Variants in PCDHGA10 observed in about 807,000 individuals in gnomAD.
The protein encoded by PCDHGA10 is protocadherin gamma subfamily A, 10.
In PCDHGA10, 42 loss-of-function variants were observed where a neutral mutation model predicts 59.5. The observed-to-expected ratio is 0.71, with a 90% CI of 0.55 to 0.91. The LOEUF (loss-of-function observed/expected upper bound fraction) is 0.91. Ranked by LOEUF, PCDHGA10 falls within the 40% of genes least tolerant of loss-of-function variation. The pLI is 0.00. For missense variants in PCDHGA10, 1,111 were observed against 1,198.2 expected (o/e 0.93, Z 1.07); for synonymous variants, 511 against 517.2 (o/e 0.99, Z 0.16).
At chr5:141,428,081 C>G (rs768842388) in intron 1 of PCDHGA10, 3 of 1,609,218 alleles carry the variant, frequency 1.9e-6, no homozygotes, top group South Asian at 2.2e-5. Context: ...CGGGACACAA[C>G]GCTTGGCTGT....
chr5:141,419,522 C>A, intron 1 of PCDHGA10: 4 of 1,612,178 alleles, frequency 2.5e-6, no homozygotes, highest in Non-Finnish European at 3.4e-6. Context: ...GGTGGGCGAC[C>A]GTAACGACAA....
chr5:141,430,773 G>A (rs375524585), intron 1 of PCDHGA10: 2 of 1,507,932 alleles, frequency 1.3e-6, no homozygotes, highest in Non-Finnish European at 1.8e-6. Flanking sequence ...ATTCCTGCGC[G>A]ACTGCACCGG....
chr5:141,450,645 C>T (rs2098688869), intron 1 of PCDHGA10, among the ~76,000 whole-genome samples: 2 of 151,618 alleles, frequency 1.3e-5, no homozygotes, highest in Non-Finnish European at 2.9e-5. Context: ...TGCCACCATG[C>T]CTGGCTAATT....
chr5:141,427,434 A>G (rs2097026509), intron 1 of PCDHGA10: 1 of 473,650 alleles, frequency 2.1e-6, no homozygotes, highest in African/African-American at 2.0e-5. Context: ...TACATGCCTC[A>G]TAAACGAAAG....
In PCDHGA10 at chr5:141,490,537, T is replaced by C; in HGVS notation, c.2437-4270T>C. On this transcript the variant is annotated intron_variant, in intron 1 of 3. Transcript: ENST00000398610. This position sits in a 1 kb window ranked among gnomAD's most constrained non-coding sequence, Gnocchi z 5.4. ...GCTGGCCAGCGATGCTGGTTCACCT[T>C]CCCTACACAAACATCTCACCATCAG... is the stretch of plus-strand genomic sequence containing the variant. 1.9e-6 allele frequency: 3 copies of C among 1,614,180 alleles called. No homozygotes were observed. The highest frequency in any genetic ancestry group is 8.5e-7 in the Non-Finnish European group (1 of 1,180,028).
At chr5:141,453,700 G>A (rs953445370) in intron 1 of PCDHGA10, among the ~76,000 whole-genome samples, 1 of 152,166 alleles carries the variant, frequency 6.6e-6, no homozygotes, top group Non-Finnish European at 1.5e-5. Flanking sequence ...TCCTGGCTTT[G>A]AACAGTTTCA....
chr5:141,476,801 C>A lies in PCDHGA10; in HGVS notation c.2437-18006C>A, dbSNP rs752954707. The A allele has an allele frequency of 5.8e-5, 94 of 1,613,468 alleles. No homozygotes were observed. The highest frequency in any genetic ancestry group is 7.9e-5 in the Non-Finnish European group (93 of 1,180,028). The stretch of plus-strand genomic sequence containing the variant: ...GACCCCAGCTCTCTCCGCCAGCCTG[C>A]CTATTCACATCAAGGTGCTGGACGC... On this transcript the variant is annotated intron_variant, in intron 1 of 3. Transcript: ENST00000398610. This position sits in a 1 kb window ranked among gnomAD's most constrained non-coding sequence, Gnocchi z 7.6.
chr5:141,469,103 C>A (rs949254605), intron 1 of PCDHGA10, among the ~76,000 whole-genome samples: 2 of 151,844 alleles, frequency 1.3e-5, no homozygotes, highest in African/African-American at 2.4e-5. Context: ...AAAGCAAGAA[C>A]CTGTCTCTAA....
intron 1 of PCDHGA10, among the ~76,000 whole-genome samples, chr5:141,461,001 A>C (rs1309762345): frequency 6.7e-6 from 1 of 150,320 alleles, no homozygotes; most frequent in Admixed American, 6.7e-5. Context: ...ATATATGTGT[A>C]TATATATATA....
chr5:141,509,199 GTC>G (rs1017134758), intron 3 of PCDHGA10, among the ~76,000 whole-genome samples: 1 of 152,070 alleles, frequency 6.6e-6, no homozygotes, highest in Non-Finnish European at 1.5e-5. Context: ...AATATTTCCT[GTC>G]TCTCTATTTC....
intron 1 of PCDHGA10, among the ~76,000 whole-genome samples, chr5:141,472,266 G>A (rs931951683): frequency 2.0e-5 from 3 of 152,198 alleles, no homozygotes. Flanking sequence ...TTATAGCCGG[G>A]CACAGTGGCT....
intron 1 of PCDHGA10, 137 bp downstream of exon 1, chr5:141,415,748 T>A: frequency 9.9e-7 from 1 of 1,008,964 alleles, no homozygotes; most frequent in Non-Finnish European, 1.2e-6. Context: ...AGGTTTTTTT[T>A]TTTTTTTTTT....
chr5:141,511,084 C>G lies in PCDHGA10; in HGVS notation c.2722C>G (p.Leu908Val). 1 of 1,614,236 alleles carries G rather than the reference C, an allele frequency of 6.2e-7. No homozygotes were observed. Among genetic ancestry groups the G allele is most frequent in the Non-Finnish European group, 8.5e-7 (1 of 1,180,030 alleles). The change falls in exon 4 of 4, where the codon CTG becomes GTG. Residue 908 changes from leucine (L) to valine (V), a missense_variant. Leu to Val is a conservative substitution (Grantham distance 32). Coordinates refer to ENST00000398610, the MANE Select transcript of PCDHGA10 (RefSeq NM_018913.3). Reference sequence around the variant, plus strand: ...CTACATCCCAGGCAGCAATGCCACACTGACCAACGCAGCTGGCAAGCGGGA... The same window carrying G: ...CTACATCCCAGGCAGCAATGCCACAGTGACCAACGCAGCTGGCAAGCGGGA... ...NVYIPGSNAT[L>V]TNAAGKRDGK...
chr5:141,445,025 C>T (rs2154560886), intron 1 of PCDHGA10, among the ~76,000 whole-genome samples: 2 of 152,200 alleles, frequency 1.3e-5, no homozygotes, highest in Middle Eastern at 6.8e-3. Flanking sequence ...TTTCTCTCAG[C>T]TATGTTGTAT....
chr5:141,427,787 C>T, intron 1 of PCDHGA10: 1 of 1,478,068 alleles, frequency 6.8e-7, no homozygotes, highest in Non-Finnish European at 9.4e-7. Flanking sequence ...CACTGTCGTC[C>T]TACGTGTCCG....
rs1387152450 is a variant in PCDHGA10 at position 141,487,754 on chromosome 5, G to A, written c.2437-7053G>A. The A allele has an allele frequency of 1.3e-6, 2 of 1,552,036 alleles. No individual in the cohort carries two copies. Among genetic ancestry groups the A allele is most frequent in the Admixed American group, 3.9e-5 (2 of 50,970 alleles). ...CATTTTTGTAAGAGGTAACTATGTG[G>A]TAGACGCTGTGCTTTGTAACTGTTT... On this transcript the variant is annotated intron_variant, in intron 1 of 3. Transcript: ENST00000398610. This position sits in a 1 kb window ranked among gnomAD's most constrained non-coding sequence, Gnocchi z 5.0.
chr5:141,417,923 C>T, intron 1 of PCDHGA10: 1 of 1,608,652 alleles, frequency 6.2e-7, no homozygotes, highest in Non-Finnish European at 8.5e-7. Context: ...TCCTTTGCTG[C>T]TGCCTTTGTT....
In PCDHGA10 at chr5:141,486,370, T is replaced by A; in HGVS notation, c.2437-8437T>A. On this transcript the variant is annotated intron_variant, in intron 1 of 3. Transcript: ENST00000398610. This position sits in a 1 kb window ranked among gnomAD's most constrained non-coding sequence, Gnocchi z 5.0. ...ACCACTTGCCATTTGCCCTCAAGTC[T>A]GCCTTCAGGAACCAGTTCTCCCTGG... 1 of 1,614,106 alleles carries A rather than the reference T, an allele frequency of 6.2e-7. No homozygotes were observed. The highest frequency in any genetic ancestry group is 8.5e-7 in the Non-Finnish European group (1 of 1,179,986).
Position 141,413,424 on chromosome 5 carries a change from G to T in PCDHGA10, c.249G>T (p.Pro83=). ...GGACGCAGCTTTTCTCTCTGAACCC[G>T]CGCAGCGGCAGCTTGATCACCGCGG... The part of the protein sequence containing the change: ...RGRTQLFSLN[P]RSGSLITAGR... The change falls in exon 1 of 4, where the codon CCG becomes CCT. Residue 83 remains proline (P), a synonymous_variant. Transcript: ENST00000398610. 6.2e-7 allele frequency: 1 copy of T among 1,614,086 alleles called. No homozygotes were observed. The highest frequency in any genetic ancestry group is 8.5e-7 in the Non-Finnish European group (1 of 1,179,956).
Sources: allele counts gnomAD v4.1 joint callset (sites outside exome capture counted in the v4.1 genomes callset), GRCh38; gene constraint gnomAD v4.1.1; non-coding constraint Gnocchi (gnomAD v3.1); transcripts MANE v1.5; gene names NCBI Gene and HGNC (gene_info 2026-07-23, HGNC 2026-07-21).